Variants in ASCC3 observed in about 807,000 individuals in gnomAD.
The protein encoded by ASCC3 is ASC-1 complex subunit P200.
ASCC3 carries 158 observed loss-of-function variants against 256.3 expected under a neutral mutation model. The ratio of observed to expected loss-of-function variants is 0.62; its 90% CI spans 0.54 to 0.70. The LOEUF is 0.70. Ranked by LOEUF, ASCC3 falls within the 30% of genes least tolerant of loss-of-function variation. The pLI is 0.00. For synonymous variants in ASCC3, 948 were observed against 883.4 expected, an observed-to-expected ratio of 1.07 and a Z score of -1.30; for missense variants, 2,259 against 2,626.0, an observed-to-expected ratio of 0.86 and a Z score of 3.05.
At chr6:100,874,597 A>G (rs1295128252) in intron 1 of ASCC3, among the ~76,000 whole-genome samples, 1 of 152,110 alleles carries the variant, frequency 6.6e-6, no homozygotes, top group East Asian at 1.9e-4. Context: ...TCATTCACTA[A>G]GCAAATATTT....
chr6:100,521,434 T>C (rs1437285589), intron 37 of ASCC3, among the ~76,000 whole-genome samples: 1 of 152,190 alleles, frequency 6.6e-6, no homozygotes, highest in Non-Finnish European at 1.5e-5. Context: ...AAATTCATGT[T>C]AGTTTTGCTG....
chr6:100,737,916 T>G (rs1780258607), intron 10 of ASCC3, among the ~76,000 whole-genome samples: 1 of 152,316 alleles, frequency 6.6e-6, no homozygotes, highest in Middle Eastern at 3.4e-3. Flanking sequence ...GTAACAGCCA[T>G]TCTGACAGGC....
chr6:100,560,748 AACACACAC>A lies in ASCC3; in HGVS notation c.5551-20369_5551-20362del, dbSNP rs747539213. Among the ~76,000 whole-genome samples, 748 of 133,936 alleles carry A rather than the reference AACACACAC, an allele frequency of 5.6e-3. 3 individuals are homozygous for A. The highest frequency in any genetic ancestry group is 6.8e-3 in the Non-Finnish European group (425 of 62,102). 87.9% of individuals were successfully genotyped at this position (133,936 alleles called of 152,430 possible). On this transcript the variant is annotated intron_variant, in intron 36 of 41. Coordinates refer to ENST00000369162, the MANE Select transcript of ASCC3 (RefSeq NM_006828.4). ...AGTCAAACCCCAAACATCTTAGAGG[AACACACAC>A]ACACACACACACACACACACACACA... is the stretch of plus-strand genomic sequence containing the variant.
At chr6:100,683,391 A>T (rs780825224) in intron 13 of ASCC3, among the ~76,000 whole-genome samples, 1 of 152,196 alleles carries the variant, frequency 6.6e-6, no homozygotes, top group Non-Finnish European at 1.5e-5. Context: ...TACTGCAGCC[A>T]AGAGAAATAT....
chr6:100,709,963 G>A (rs548336539), intron 13 of ASCC3, among the ~76,000 whole-genome samples: 6 of 152,110 alleles, frequency 3.9e-5, no homozygotes, highest in African/African-American at 4.8e-5. Flanking sequence ...CCACTCTTAC[G>A]GAAAACGAAT....
intron 10 of ASCC3, among the ~76,000 whole-genome samples, chr6:100,764,263 G>A (rs1781545505): frequency 6.6e-6 from 1 of 152,168 alleles, no homozygotes; most frequent in South Asian, 2.1e-4. Context: ...TAAATGAATG[G>A]TGCTACGGGA....
At chr6:100,813,534 C>A (rs960210375) in intron 4 of ASCC3, among the ~76,000 whole-genome samples, 1 of 151,738 alleles carries the variant, frequency 6.6e-6, no homozygotes, top group South Asian at 2.1e-4. Context: ...TTACAAGACA[C>A]CTTAAAGGAA....
At chr6:100,540,896 C>T (rs944851564) in intron 36 of ASCC3, among the ~76,000 whole-genome samples, 6 of 151,906 alleles carry the variant, frequency 3.9e-5, no homozygotes, top group African/African-American at 1.5e-4. Flanking sequence ...ATAAGATTGG[C>T]AAGATGAGAA....
intron 32 of ASCC3, 64 bp downstream of exon 32, chr6:100,606,676 C>T (rs145417765): frequency 5.6e-4 from 836 of 1,488,104 alleles, no homozygotes; most frequent in Non-Finnish European, 7.0e-4. Flanking sequence ...ATTAATTATT[C>T]AAATTCAAAT....
chr6:100,509,180 A>G lies in ASCC3; in HGVS notation c.*206T>C, dbSNP rs571371207. On this transcript the variant is annotated 3_prime_UTR_variant, in exon 42 of 42. Coordinates refer to ENST00000369162, the MANE Select transcript of ASCC3 (RefSeq NM_006828.4). Reference sequence around the variant, plus strand: ...ACATATCAAGAAACTCATAAAGATAACATTATAAAAGGCAACATTTGTTAA... The same window carrying G: ...ACATATCAAGAAACTCATAAAGATAGCATTATAAAAGGCAACATTTGTTAA... 1.6e-6 allele frequency: 1 copy of G among 616,390 alleles called. No homozygotes were observed. The highest frequency in any genetic ancestry group is 1.9e-5 in the South Asian group (1 of 53,000). The allele number at this position is 616,390 out of a possible 1,614,324, so 38.2% of individuals were successfully genotyped here. A position where few individuals can be genotyped will look rare whatever the true frequency, so the allele number is the denominator to read the frequency against.
chr6:100,872,863 C>T (rs545197234), intron 1 of ASCC3, among the ~76,000 whole-genome samples: 6 of 152,252 alleles, frequency 3.9e-5, no homozygotes, highest in African/African-American at 1.2e-4. Context: ...GGGAACACCC[C>T]GTGGGACAAA....
chr6:100,584,739 A>G (rs1274694726), intron 36 of ASCC3, among the ~76,000 whole-genome samples: 1 of 151,532 alleles, frequency 6.6e-6, no homozygotes, highest in Admixed American at 6.6e-5. Context: ...TCCTTTCCAT[A>G]TTTAGTGCTT....
chr6:100,647,338 A>G lies in ASCC3; in HGVS notation c.3366T>C (p.Gly1122=), dbSNP rs774291225. ...LSKVIDKRLW[G]WASPLRQFSI... ...AAAATTGTCTCAAAGGGCTAGCCCA[A>G]CCCCAAAGCCTCTTGTCAATGACTT... is the stretch of plus-strand genomic sequence containing the variant. The change falls in exon 21 of 42, where the codon GGT becomes GGC. Residue 1122 remains glycine, a synonymous_variant. Transcript: ENST00000369162. 7.4e-6 allele frequency: 12 copies of G among 1,613,860 alleles called. No individual in the cohort carries two copies. In the Admixed American group the frequency reaches 1.8e-4, roughly 25 times the overall value.
At position 100,638,760 on chromosome 6, in the gene ASCC3, C is replaced by T. The variant is rs1031491657; in HGVS notation, c.3963G>A (p.Leu1321=). 2 of 1,614,056 alleles carry T rather than the reference C, an allele frequency of 1.2e-6. No individual in the cohort carries two copies. Among genetic ancestry groups the T allele is most frequent in the Non-Finnish European group, 1.7e-6 (2 of 1,179,980 alleles). The change falls in exon 25 of 42, where the codon CTG becomes CTA. Residue 1321 remains leucine, a synonymous_variant. Coordinates refer to ENST00000369162, the MANE Select transcript of ASCC3 (RefSeq NM_006828.4). ...TALGCKAYEA[L]YNFSHFNPVQ... ...CAGGGTTAAAGTGGCTGAAGTTGTA[C>T]AGGGCTTCATATGCTTTACATCCCA...
chr6:100,828,201 CATTTT>C (rs1196925892), intron 4 of ASCC3, among the ~76,000 whole-genome samples: 1 of 151,172 alleles, frequency 6.6e-6, no homozygotes, highest in Non-Finnish European at 1.5e-5. Context: ...ACAATGCAAT[CATTTT>C]AGTTTAGCAA....
chr6:100,589,876 G>A, intron 35 of ASCC3, 72 bp downstream of exon 35: 2 of 1,590,988 alleles, frequency 1.3e-6, no homozygotes, highest in South Asian at 1.1e-5. Context: ...AATTTTGATA[G>A]TATTAAAAGC....
intron 38 of ASCC3, 83 bp from the exon 39 acceptor site, chr6:100,516,410 A>G (rs1361412006): frequency 1.3e-6 from 2 of 1,513,330 alleles, no homozygotes; most frequent in East Asian, 2.3e-5. Flanking sequence ...ATATAATTAT[A>G]GCTTTTTTTG....
chr6:100,690,394 C>A (rs551150444), intron 13 of ASCC3, among the ~76,000 whole-genome samples: 6 of 151,668 alleles, frequency 4.0e-5, no homozygotes, highest in Non-Finnish European at 5.9e-5. Context: ...TACTACTGAA[C>A]AAGAATAAAG....
At chr6:100,547,397 T>C (rs1049126794) in intron 36 of ASCC3, among the ~76,000 whole-genome samples, 5 of 151,904 alleles carry the variant, frequency 3.3e-5, no homozygotes, top group African/African-American at 1.2e-4. Context: ...ATTTAAAATA[T>C]ATTGTTAAAA....
Sources: gnomAD v4.1 joint callset for allele counts (sites outside exome capture counted in the v4.1 genomes callset) on GRCh38, gnomAD v4.1.1 for gene constraint, MANE v1.5 for transcripts, NCBI Gene and HGNC (gene_info 2026-07-23, HGNC 2026-07-21) for gene names.